CD55: variants seen among roughly 807,000 people sequenced by gnomAD.
CD55 encodes the protein complement decay-accelerating factor.
A neutral mutation model predicts 45.8 loss-of-function variants in CD55; 41 were observed. The ratio of observed to expected loss-of-function variants is 0.90; its 90% CI spans 0.70 to 1.16. The LOEUF (loss-of-function observed/expected upper bound fraction) is 1.16, where lower values mean the gene tolerates loss of function less well. Ranked by LOEUF, CD55 falls within the 50% of genes most tolerant of loss-of-function variation. The probability of loss-of-function intolerance (pLI) is 0.00; values close to 1 mark genes in which losing one functional copy is unlikely to be tolerated. For synonymous variants in CD55, 181 were observed against 181.1 expected (o/e 1.00, Z 0.01); for missense variants, 416 against 469.8 (o/e 0.89, Z 1.06).
chr1:207,348,500 T>TTCTC (rs1200504321), intron 9 of CD55, among the ~76,000 whole-genome samples: 3 of 152,218 alleles, frequency 2.0e-5, no homozygotes, highest in Non-Finnish European at 4.4e-5. Flanking sequence ...TGCAAATATT[T>TTCTC]TCTCCTTTTC....
intron 5 of CD55, among the ~76,000 whole-genome samples, chr1:207,328,830 T>C (rs1654804062): frequency 6.6e-6 from 1 of 152,258 alleles, no homozygotes; most frequent in Admixed American, 6.5e-5. Flanking sequence ...TTATTCCTCC[T>C]GTGGACTATT....
At chr1:207,347,261 A>G (rs896850300) in intron 9 of CD55, 4 of 450,524 alleles carry the variant, frequency 8.9e-6, no homozygotes, top group African/African-American at 8.1e-5. Context: ...AAATGGGTAA[A>G]CACATTTTTT....
intron 9 of CD55, among the ~76,000 whole-genome samples, chr1:207,349,268 C>T (rs182024941): frequency 4.8e-4 from 73 of 151,734 alleles, no homozygotes; most frequent in African/African-American, 1.6e-3. Flanking sequence ...CTGCAACCTC[C>T]GTCTCCTGGG....
intron 9 of CD55, among the ~76,000 whole-genome samples, chr1:207,342,113 TA>T (rs1176832544): frequency 3.9e-5 from 6 of 152,168 alleles, no homozygotes; most frequent in Admixed American, 3.9e-4. Flanking sequence ...GTACTGAATT[TA>T]TCAGATCTAA....
Position 207,321,808 on chromosome 1 carries a change from C to G in CD55, c.43C>G (p.Leu15Val). 1 of 1,528,294 alleles carries G rather than the reference C, an allele frequency of 6.5e-7. No homozygotes were observed. Among genetic ancestry groups the G allele is most frequent in the Non-Finnish European group, 8.7e-7 (1 of 1,143,412 alleles). The allele number at this position is 1,528,294 out of a possible 1,614,324, so 94.7% of individuals were successfully genotyped here. The change falls in exon 1 of 10, where the codon CTC becomes GTC. Residue 15 changes from leucine to valine, a missense_variant. Around this residue, in one of 3 missense-constraint regions of CD55, gnomAD observed 123 missense variants for 105.1 expected, o/e 1.17. Transcript: ENST00000367064. The part of the protein sequence containing the change: ...RPSVPAALPL[L>V]GELPRLLLLV... The stretch of plus-strand genomic sequence containing the variant: ...GAGCGTGCCCGCGGCGCTGCCCCTC[C>G]TCGGGGAGCTGCCCCGGCTGCTGCT...
Position 207,322,734 on chromosome 1 carries a change from C to T in CD55, c.286+167C>T, listed in dbSNP as rs138501379. ...CCAGCTAATTGAAGACATTTACCAC[C>T]CTGAGTAGGTCCTGCTGCTTCATTA... On this transcript the variant is annotated intron_variant, in intron 2 of 9. Coordinates refer to ENST00000367064, the MANE Select transcript of CD55 (RefSeq NM_000574.5). Among the ~76,000 whole-genome samples the T allele has an allele frequency of 6.6e-4, 101 of 152,308 alleles. No homozygotes were observed. The Middle Eastern group carries it at 0.027, about 41-fold the overall frequency.
At chr1:207,322,657 A>G in intron 2 of CD55, 90 bp downstream of exon 2, 1 of 1,127,042 alleles carries the variant, frequency 8.9e-7, no homozygotes, top group Non-Finnish European at 1.3e-6. Flanking sequence ...AGTAATTGAT[A>G]GTTCTCTAGC....
chr1:207,322,340 A>G (rs751607950), intron 1 of CD55, 42 bp from the exon 2 acceptor site: 67 of 1,544,748 alleles, frequency 4.3e-5, no homozygotes, highest in Non-Finnish European at 5.3e-5. Flanking sequence ...CTGTGAGGAC[A>G]CTTGATAGTC....
At position 207,324,466 on chromosome 1, in the gene CD55, AAG is replaced by A; in HGVS notation, c.287-92_287-91del. ...CTAAATATGCGCAAAGCAGTAAAGA[AAG>A]GGGGTTATTAGGGTCCAGATAATTA... On this transcript the variant is annotated intron_variant, in intron 2 of 9. Transcript: ENST00000367064. 5 of 747,310 alleles carry A rather than the reference AAG, an allele frequency of 6.7e-6. No homozygotes were observed. In the South Asian group the frequency reaches 1.1e-4, roughly 17 times the overall value. The allele number at this position is 747,310 out of a possible 1,614,324, so 46.3% of individuals were successfully genotyped here.
intron 9 of CD55, among the ~76,000 whole-genome samples, chr1:207,353,051 T>G (rs1655934846): frequency 1.4e-5 from 2 of 140,048 alleles, no homozygotes; most frequent in African/African-American, 5.3e-5. Context: ...TTTTTTTTTT[T>G]TTTTTTTTTT....
chr1:207,335,808 A>G (rs1048377079), intron 6 of CD55, among the ~76,000 whole-genome samples: 1 of 152,158 alleles, frequency 6.6e-6, no homozygotes, highest in Non-Finnish European at 1.5e-5. Flanking sequence ...TGGATGATGT[A>G]ATCTCTTGCT....
intron 6 of CD55, among the ~76,000 whole-genome samples, chr1:207,332,419 G>GTGTTATATTTATAACAAAAT (rs1226322051): frequency 1.3e-4 from 20 of 152,014 alleles, no homozygotes; most frequent in African/African-American, 4.4e-4. Context: ...TTATAACAAA[G>GTGTTATATTTATAACAAAAT]GTATGTGAAT....
In CD55 at chr1:207,321,774, C is replaced by T. The variant is rs759295269; in HGVS notation, c.9C>T (p.Val3=). Residue 3 remains valine, a synonymous_variant, in exon 1 of 10, where the codon GTC becomes GTT. Transcript: ENST00000367064. ...TTCTAACCCGGCGCGCCATGACCGT[C>T]GCGCGGCCGAGCGTGCCCGCGGCGC... MT[V]ARPSVPAALP... 4.0e-6 allele frequency: 6 copies of T among 1,517,894 alleles called. No homozygotes were observed. In the East Asian group the frequency reaches 7.6e-5, roughly 19 times the overall value. 94.0% of individuals were successfully genotyped at this position (1,517,894 alleles called of 1,614,324 possible). A position where few individuals can be genotyped will look rare whatever the true frequency, so the allele number is the denominator to read the frequency against.
At chr1:207,355,953 A>G (rs1656061981) in intron 9 of CD55, among the ~76,000 whole-genome samples, 1 of 152,206 alleles carries the variant, frequency 6.6e-6, no homozygotes, top group African/African-American at 2.4e-5. Context: ...TTTTCTTTCG[A>G]AGAAAACAGG....
chr1:207,331,234 C>G lies in CD55; in HGVS notation c.791C>G (p.Ser264Cys). ...GGATTCACCATGATTGGAGAGCACT[C>G]TATTTATTGTACTGTGAATAATGAT... ...NKGFTMIGEH[S>C]IYCTVNNDEG... Residue 264 changes from serine (S) to cysteine (C), a missense_variant, in exon 6 of 10, where the codon TCT (serine) becomes TGT (cysteine). Ser to Cys is a moderately radical substitution (Grantham distance 112). Around this residue, in one of 3 missense-constraint regions of CD55, gnomAD observed 182 missense variants for 201.4 expected, o/e 0.90. Coordinates refer to ENST00000367064, the MANE Select transcript of CD55 (RefSeq NM_000574.5). 6.2e-7 allele frequency: 1 copy of G among 1,613,680 alleles called. No homozygotes were observed. The highest frequency in any genetic ancestry group is 8.5e-7 in the Non-Finnish European group (1 of 1,179,686).
At chr1:207,335,510 A>G (rs904924997) in intron 6 of CD55, among the ~76,000 whole-genome samples, 4 of 152,262 alleles carry the variant, frequency 2.6e-5, no homozygotes, top group African/African-American at 9.6e-5. Context: ...GGTAGTATAT[A>G]CATTCTCTGG....
At chr1:207,342,427 A>C (rs28371630) in intron 9 of CD55, among the ~76,000 whole-genome samples, 4,484 of 152,266 alleles carry the variant, frequency 0.029, 224 homozygotes, top group African/African-American at 0.1. Flanking sequence ...ACAGAATATT[A>C]GCTGTGGGTT....
rs200392245 is a variant in CD55, at chr1:207,359,538, A to C, written c.1082-8A>C. On this transcript the variant is annotated splice_region_variant and splice_polypyrimidine_tract_variant and intron_variant, in intron 9 of 9. Coordinates refer to ENST00000367064, the MANE Select transcript of CD55 (RefSeq NM_000574.5). ...TAACTTTTTTTTTTTTTTTTTTTTA[A>C]TTTTCAGGGCACACGTGTTTCACGT... The C allele has an allele frequency of 7.5e-4, 824 of 1,102,702 alleles. 6 individuals are homozygous for C. The highest frequency in any genetic ancestry group is 3.4e-4 in the Non-Finnish European group (294 of 874,738). 68.3% of individuals were successfully genotyped at this position (1,102,702 alleles called of 1,614,324 possible).
chr1:207,348,663 G>A (rs1351734767), intron 9 of CD55, among the ~76,000 whole-genome samples: 1 of 152,062 alleles, frequency 6.6e-6, no homozygotes, highest in Non-Finnish European at 1.5e-5. Flanking sequence ...TGTCAGAATG[G>A]TATTTCCTAG....
Sources: allele counts gnomAD v4.1 joint callset (sites outside exome capture counted in the v4.1 genomes callset), GRCh38; gene constraint gnomAD v4.1.1; regional missense constraint gnomAD v4.1.1; transcripts MANE v1.5; gene names NCBI Gene and HGNC (gene_info 2026-07-23, HGNC 2026-07-21).